Variants in SDK1 observed in about 807,000 individuals in gnomAD.
The protein encoded by SDK1 is protein sidekick-1.
Under a neutral mutation model 245.5 loss-of-function variants are expected in SDK1, and 157 were observed. That is an observed-to-expected ratio of 0.64 (90% CI 0.56 to 0.73). The LOEUF (loss-of-function observed/expected upper bound fraction) is 0.73, where lower values mean the gene tolerates loss of function less well. Among genes scored for constraint, SDK1 ranks in the 30% least tolerant of loss-of-function variants. The pLI, the probability that SDK1 is intolerant of heterozygous loss-of-function variation, is 0.00. For missense variants in SDK1, 3,583 were observed against 3,002.3 expected (o/e 1.19, Z -4.52); for synonymous variants, 1,647 against 1,278.5 (o/e 1.29, Z -6.15).
intron 1 of SDK1, among the ~76,000 whole-genome samples, chr7:3,311,747 G>C (rs1212228577): frequency 6.6e-6 from 1 of 152,160 alleles, no homozygotes; most frequent in African/African-American, 2.4e-5. Flanking sequence ...TAAACACACA[G>C]AAACTGTGGA....
chr7:4,018,118 G>T (rs73298962), intron 17 of SDK1, among the ~76,000 whole-genome samples: 2,304 of 152,306 alleles, frequency 0.015, 65 homozygotes, highest in African/African-American at 0.053. Context: ...TCCTACAGCA[G>T]CCCAAATCCT....
At chr7:3,776,027 C>T (rs1195315679) in intron 4 of SDK1, among the ~76,000 whole-genome samples, 3 of 152,242 alleles carry the variant, frequency 2.0e-5, no homozygotes, top group Non-Finnish European at 4.4e-5. Context: ...GTATTTCCCA[C>T]CCTGCATTGT....
At chr7:3,869,593 A>G (rs1780910013) in intron 5 of SDK1, among the ~76,000 whole-genome samples, 1 of 152,156 alleles carries the variant, frequency 6.6e-6, no homozygotes, top group South Asian at 2.1e-4. Flanking sequence ...TCTTCCCAGC[A>G]GCTCCTCCCC....
chr7:4,266,743 C>G lies in SDK1; in HGVS notation c.*1359C>G, dbSNP rs1271480357. ...CCATGGTCCACCCCTCAGCCCGGGT[C>G]CCGGGTCTGGATGGAACGGGAGCAC... On this transcript the variant is annotated 3_prime_UTR_variant, in exon 45 of 45. Coordinates refer to ENST00000404826, the MANE Select transcript of SDK1 (RefSeq NM_152744.4). The G allele has an allele frequency of 2.4e-5, 24 of 985,378 alleles. No individual in the cohort carries two copies. Among genetic ancestry groups the G allele is most frequent in the Non-Finnish European group, 2.8e-5 (23 of 829,970 alleles). The allele number at this position is 985,378 out of a possible 1,614,324, so 61.0% of individuals were successfully genotyped here. A position where few individuals can be genotyped will look rare whatever the true frequency, so the allele number is the denominator to read the frequency against.
At chr7:4,258,015 G>C (rs769317855) in intron 44 of SDK1, among the ~76,000 whole-genome samples, 4 of 152,180 alleles carry the variant, frequency 2.6e-5, no homozygotes, top group Non-Finnish European at 5.9e-5. Context: ...CGAGTTGGAC[G>C]ACCAAGCACT....
intron 1 of SDK1, among the ~76,000 whole-genome samples, chr7:3,560,789 C>G (rs947219672): frequency 1.3e-5 from 2 of 152,162 alleles, no homozygotes; most frequent in Non-Finnish European, 2.9e-5. Context: ...CTCTGCTCTT[C>G]CAGCCTCTCT....
At chr7:3,822,294 G>T (rs774447339) in intron 5 of SDK1, among the ~76,000 whole-genome samples, 1 of 152,172 alleles carries the variant, frequency 6.6e-6, no homozygotes, top group African/African-American at 2.4e-5. Context: ...AAGCTTCATG[G>T]TATGAAATGA....
At chr7:3,343,328 T>A (rs1780403952) in intron 1 of SDK1, among the ~76,000 whole-genome samples, 1 of 152,208 alleles carries the variant, frequency 6.6e-6, no homozygotes, top group Admixed American at 6.5e-5. Flanking sequence ...TGATTACTTC[T>A]CACAATAAAA....
intron 28 of SDK1, among the ~76,000 whole-genome samples, chr7:4,137,239 G>T (rs1462513802): frequency 6.6e-6 from 1 of 152,248 alleles, no homozygotes; most frequent in African/African-American, 2.4e-5. Context: ...AGGTTGCAGT[G>T]AGCCAAGATC....
At chr7:3,926,054 G>A (rs1054956688) in intron 5 of SDK1, among the ~76,000 whole-genome samples, 2 of 152,132 alleles carry the variant, frequency 1.3e-5, no homozygotes, top group African/African-American at 4.8e-5. Context: ...GTGACTTCAG[G>A]GAAATCAGTG....
intron 1 of SDK1, among the ~76,000 whole-genome samples, chr7:3,458,606 A>G (rs192852412): frequency 1.3e-5 from 2 of 152,150 alleles, no homozygotes; most frequent in Admixed American, 6.5e-5. Flanking sequence ...ACAAGTATAC[A>G]ACCTACCTGG....
At chr7:3,934,266 T>G (rs1780082786) in intron 5 of SDK1, among the ~76,000 whole-genome samples, 5 of 152,214 alleles carry the variant, frequency 3.3e-5, no homozygotes, top group Admixed American at 3.3e-4. Context: ...TCCCTCTTAT[T>G]TATCTCCTTT....
chr7:3,689,866 A>C (rs1022675425), intron 4 of SDK1, among the ~76,000 whole-genome samples: 1 of 152,230 alleles, frequency 6.6e-6, no homozygotes. Context: ...TTTTGCAAAA[A>C]ACCATGTTTT....
intron 1 of SDK1, among the ~76,000 whole-genome samples, chr7:3,564,132 A>T (rs995909367): frequency 4.6e-5 from 7 of 151,554 alleles, no homozygotes; most frequent in Admixed American, 1.3e-4. Flanking sequence ...AAGATAAAAA[A>T]TGAGCCAAAA....
chr7:3,919,963 G>A (rs1779529499), intron 5 of SDK1, among the ~76,000 whole-genome samples: 1 of 152,128 alleles, frequency 6.6e-6, no homozygotes, highest in Non-Finnish European at 1.5e-5. Context: ...CACAGCAGAG[G>A]GGGCACCACC....
intron 4 of SDK1, among the ~76,000 whole-genome samples, chr7:3,756,362 G>T (rs1779932145): frequency 6.7e-6 from 1 of 150,280 alleles, no homozygotes; most frequent in Non-Finnish European, 1.5e-5. Context: ...TTTTGAACCT[G>T]ACTCCTTTCA....
At chr7:3,675,916 C>T (rs989082026) in intron 4 of SDK1, among the ~76,000 whole-genome samples, 2 of 152,100 alleles carry the variant, frequency 1.3e-5, no homozygotes, top group African/African-American at 4.8e-5. Flanking sequence ...TCCTTTTATA[C>T]GTTCCTTATA....
intron 4 of SDK1, among the ~76,000 whole-genome samples, chr7:3,681,840 A>T (rs920189756): frequency 6.6e-6 from 1 of 152,180 alleles, no homozygotes. Context: ...CAGAGGTATA[A>T]CATTTTTTTC....
At chr7:3,447,167 T>C (rs1246069999) in intron 1 of SDK1, among the ~76,000 whole-genome samples, 4 of 152,188 alleles carry the variant, frequency 2.6e-5, no homozygotes, top group Admixed American at 2.0e-4. Context: ...ATATATGTCT[T>C]AGTATATTAG....
Sources: allele counts gnomAD v4.1 joint callset (sites outside exome capture counted in the v4.1 genomes callset), GRCh38; gene constraint gnomAD v4.1.1; transcripts MANE v1.5; gene names NCBI Gene and HGNC (gene_info 2026-07-23, HGNC 2026-07-21).